Variants in GADL1 observed in about 807,000 individuals in gnomAD.
GADL1 encodes GAD like acidic amino acid decarboxylase 1, also known as acidic amino acid decarboxylase GADL1.
A neutral mutation model predicts 69.5 loss-of-function variants in GADL1; 71 were observed. The ratio of observed to expected loss-of-function variants is 1.02; its 90% CI spans 0.84 to 1.25. The LOEUF is 1.25. Among genes scored for constraint, GADL1 ranks in the 50% most tolerant of loss-of-function variants. The pLI, the probability that GADL1 is intolerant of heterozygous loss-of-function variation, is 0.00. For missense variants in GADL1, 737 were observed against 631.8 expected (o/e 1.17, Z -1.79); for synonymous variants, 254 against 214.4 (o/e 1.18, Z -1.62).
intron 11 of GADL1, among the ~76,000 whole-genome samples, chr3:30,819,369 C>T (rs1476249196): frequency 1.3e-5 from 2 of 152,084 alleles, no homozygotes; most frequent in African/African-American, 4.8e-5. Context: ...AAATTTGTCA[C>T]TCTTTATCTC....
intron 1 of GADL1, among the ~76,000 whole-genome samples, chr3:30,868,513 G>T (rs1259863520): frequency 6.6e-6 from 1 of 150,472 alleles, no homozygotes; most frequent in Admixed American, 6.6e-5. Context: ...TTTAACCTCT[G>T]TGTGATCCGT....
At chr3:30,766,726 G>C (rs1177140700) in intron 14 of GADL1, among the ~76,000 whole-genome samples, 2 of 152,098 alleles carry the variant, frequency 1.3e-5, no homozygotes, top group East Asian at 3.9e-4. Flanking sequence ...GGAGAGAGCA[G>C]GTGGCTCAGT....
chr3:30,736,808 T>C (rs1283310049), intron 14 of GADL1, among the ~76,000 whole-genome samples: 1 of 152,198 alleles, frequency 6.6e-6, no homozygotes. Context: ...TCTTGGCAGA[T>C]TTTTTGGAGG....
intron 11 of GADL1, among the ~76,000 whole-genome samples, chr3:30,810,463 G>A (rs910760296): frequency 6.6e-6 from 1 of 152,046 alleles, no homozygotes; most frequent in Non-Finnish European, 1.5e-5. Context: ...TCCACCTTTG[G>A]CCCTTTGGTT....
intron 11 of GADL1, 92 bp downstream of exon 11, chr3:30,833,761 A>T (rs1697828201): frequency 1.2e-6 from 1 of 827,608 alleles, no homozygotes; most frequent in Non-Finnish European, 2.1e-6. Flanking sequence ...CGCCTCGCCC[A>T]AGTCACCAAG....
intron 8 of GADL1, among the ~76,000 whole-genome samples, chr3:30,841,396 A>G (rs1312589780): frequency 6.6e-6 from 1 of 152,174 alleles, no homozygotes; most frequent in Non-Finnish European, 1.5e-5. Flanking sequence ...CTGTCAAAAC[A>G]AAAATTTGAG....
intron 11 of GADL1, among the ~76,000 whole-genome samples, chr3:30,812,089 CTAGTACCCATTATAAGAGTTT>C (rs1697368110): frequency 6.6e-6 from 1 of 152,092 alleles, no homozygotes; most frequent in African/African-American, 2.4e-5. Flanking sequence ...TTTTTTGCTA[CTAGTACCCATTATAAGAGTTT>C]TATTTGTGTG....
chr3:30,871,074 T>C (rs1698475213), intron 1 of GADL1, among the ~76,000 whole-genome samples: 1 of 151,116 alleles, frequency 6.6e-6, no homozygotes, highest in African/African-American at 2.4e-5. Context: ...TGTGTGTGTG[T>C]GTGTGTCCAA....
intron 11 of GADL1, among the ~76,000 whole-genome samples, chr3:30,821,582 ATATT>A (rs1697581375): frequency 6.6e-6 from 1 of 152,010 alleles, no homozygotes; most frequent in African/African-American, 2.4e-5. Context: ...ATCTGAATAA[ATATT>A]ACTAGGTTGG....
At chr3:30,893,071 G>T (rs1252661376) in intron 1 of GADL1, among the ~76,000 whole-genome samples, 1 of 152,176 alleles carries the variant, frequency 6.6e-6, no homozygotes, top group Non-Finnish European at 1.5e-5. Context: ...GGCCAGGCTG[G>T]TCTCAAACTC....
Position 30,850,839 on chromosome 3 carries a change from G to A in GADL1, c.531C>T (p.Asn177=). The A allele has an allele frequency of 6.5e-7, 1 of 1,534,080 alleles. No individual in the cohort carries two copies. The highest frequency in any genetic ancestry group is 8.8e-7 in the Non-Finnish European group (1 of 1,131,286). The change falls in exon 5 of 15, where the codon AAC becomes AAT. Residue 177 remains asparagine (N), a synonymous_variant. Transcript: ENST00000282538. ...IGWKEGDGIF[N]PGGSVSNMYA... ...TCAATAACTAATTGTACTCACCTGG[G>A]TTAAATATTCCATCCCCTTCTTTCC...
chr3:30,779,886 G>A (rs999781878), intron 13 of GADL1, among the ~76,000 whole-genome samples: 1 of 152,170 alleles, frequency 6.6e-6, no homozygotes, highest in Non-Finnish European at 1.5e-5. Flanking sequence ...GAGGGTGCTG[G>A]AGAGACACTG....
At chr3:30,749,351 T>G (rs1271781560) in intron 14 of GADL1, among the ~76,000 whole-genome samples, 1 of 152,216 alleles carries the variant, frequency 6.6e-6, no homozygotes, top group Non-Finnish European at 1.5e-5. Flanking sequence ...ACACTCTTGG[T>G]CTTCTCTCTA....
intron 14 of GADL1, among the ~76,000 whole-genome samples, chr3:30,755,113 G>A (rs2125480880): frequency 6.6e-6 from 1 of 150,454 alleles, no homozygotes; most frequent in South Asian, 2.1e-4. Flanking sequence ...AAATTAGCCA[G>A]TTAAAGCTGA....
Position 30,825,984 on chromosome 3 carries a change from G to A in GADL1, c.1050+7869C>T, listed in dbSNP as rs1697675348. ...AATAATAAAATAAAAGGCAAAAAAG[G>A]CAGATACTTGGAATCCATTAAAAAA... On this transcript the variant is annotated intron_variant, in intron 11 of 14. Transcript: ENST00000282538. Among the ~76,000 whole-genome samples the A allele has an allele frequency of 2.0e-5, 3 of 151,844 alleles. No individual in the cohort carries two copies. In the South Asian group the frequency reaches 6.2e-4, roughly 31 times the overall value.
intron 11 of GADL1, among the ~76,000 whole-genome samples, chr3:30,822,037 T>G (rs906504560): frequency 1.3e-5 from 2 of 152,112 alleles, no homozygotes; most frequent in Non-Finnish European, 2.9e-5. Flanking sequence ...TTGTACAATA[T>G]TAGGTTTCAC....
chr3:30,793,617 C>T (rs1313777817), intron 12 of GADL1, among the ~76,000 whole-genome samples: 1 of 152,192 alleles, frequency 6.6e-6, no homozygotes, highest in Admixed American at 6.5e-5. Flanking sequence ...TATTAGTATT[C>T]TGGCTTGATC....
At chr3:30,800,806 GACACACACACACACACACAC>G (rs35529398) in intron 12 of GADL1, 63 bp downstream of exon 12, 163 of 727,162 alleles carry the variant, frequency 2.2e-4, no homozygotes, top group African/African-American at 1.1e-3. Flanking sequence ...GACACAGATA[GACACACACACACACACACAC>G]ACACACACAC....
chr3:30,768,611 A>G (rs973539626), intron 14 of GADL1, among the ~76,000 whole-genome samples: 4 of 152,072 alleles, frequency 2.6e-5, no homozygotes, highest in Non-Finnish European at 5.9e-5. Flanking sequence ...GCGAGACTGG[A>G]GGTGCAAAGA....
Sources: gnomAD v4.1 joint callset for allele counts (sites outside exome capture counted in the v4.1 genomes callset) on GRCh38, gnomAD v4.1.1 for gene constraint, MANE v1.5 for transcripts, NCBI Gene and HGNC (gene_info 2026-07-23, HGNC 2026-07-21) for gene names.